HDGF: variants seen among roughly 807,000 people sequenced by gnomAD.
The protein encoded by HDGF is hepatoma-derived growth factor.
A neutral mutation model predicts 30.0 loss-of-function variants in HDGF; 5 were observed. That is an observed-to-expected ratio of 0.17 (90% confidence interval 0.09 to 0.35). The LOEUF (loss-of-function observed/expected upper bound fraction) is 0.35. Ranked by LOEUF, HDGF falls within the 10% of genes least tolerant of loss-of-function variation. The pLI is 1.00. For synonymous variants in HDGF, 133 were observed against 112.7 expected, an observed-to-expected ratio of 1.18 and a Z score of -1.14; for missense variants, 214 against 302.8, an observed-to-expected ratio of 0.71 and a Z score of 2.18.
chr1:156,766,450 G>A (rs1431660293), intron 1 of HDGF, among the ~76,000 whole-genome samples: 1 of 148,218 alleles, frequency 6.7e-6, no homozygotes, highest in African/African-American at 2.7e-5. Context: ...CTCAGTCACA[G>A]GCAGACAGGA....
chr1:156,743,541 G>A, intron 5 of HDGF, 86 bp from the exon 6 acceptor site: 3 of 1,570,838 alleles, frequency 1.9e-6, no homozygotes, highest in Non-Finnish European at 8.7e-7. Context: ...TCCTAGGAGA[G>A]CCCACCCTGC....
upstream of HDGF, chr1:156,752,259 G>T (rs1167774032): frequency 6.4e-7 from 1 of 1,551,692 alleles, no homozygotes; most frequent in Admixed American, 2.0e-5. Context: ...AAACGTCGGG[G>T]ATTTGAGCCC....
chr1:156,766,201 C>T (rs749266395), intron 1 of HDGF, among the ~76,000 whole-genome samples: 1 of 152,134 alleles, frequency 6.6e-6, no homozygotes, highest in Non-Finnish European at 1.5e-5. Flanking sequence ...ATATCAGGCT[C>T]GTCTGATAGA....
chr1:156,765,153 C>G (rs191059960), intron 1 of HDGF, among the ~76,000 whole-genome samples: 1 of 143,624 alleles, frequency 7.0e-6, no homozygotes, highest in Non-Finnish European at 1.5e-5. Context: ...AGTGCAATGG[C>G]GTGATCTTGG....
At chr1:156,744,459 C>A in intron 3 of HDGF, 111 bp from the exon 4 acceptor site, 1 of 1,582,982 alleles carries the variant, frequency 6.3e-7, no homozygotes, top group South Asian at 1.1e-5. Flanking sequence ...TCTCCCCCAC[C>A]CCCACCCAGG....
At position 156,742,704 on chromosome 1, in the gene HDGF, G is replaced by C. The variant is rs1650212801; in HGVS notation, c.*745C>G. On this transcript the variant is annotated 3_prime_UTR_variant, in exon 6 of 6. Transcript: ENST00000357325. ...GGCTTCAGAGATCTAAAGGGGGACA[G>C]ATGCTCAACACTCCCACCCAAATGG... The C allele has an allele frequency of 6.5e-6, 1 of 154,658 alleles. No homozygotes were observed. The highest frequency in any genetic ancestry group is 2.0e-4 in the South Asian group (1 of 4,918). The allele number at this position is 154,658 out of a possible 1,614,324, so 9.6% of individuals were successfully genotyped here.
chr1:156,745,843 G>T (rs907714213), intron 1 of HDGF, among the ~76,000 whole-genome samples: 3 of 152,188 alleles, frequency 2.0e-5, no homozygotes, highest in Non-Finnish European at 2.9e-5. Flanking sequence ...GCCCCCACTT[G>T]TATGACTTTG....
chr1:156,757,335 G>A (rs1028177697), upstream of HDGF, among the ~76,000 whole-genome samples: 7 of 151,738 alleles, frequency 4.6e-5, no homozygotes, highest in Non-Finnish European at 8.8e-5. Flanking sequence ...GCATGGAGGC[G>A]CATGCCTGTA....
chr1:156,765,082 C>T (rs946524857), intron 1 of HDGF, among the ~76,000 whole-genome samples: 9 of 150,676 alleles, frequency 6.0e-5, no homozygotes, highest in South Asian at 2.1e-4. Context: ...ACTTTATCCG[C>T]GCCCCCCCCG....
Position 156,751,273 on chromosome 1 carries a change from T to C in HDGF, c.87+70A>G. On this transcript the variant is annotated intron_variant, in intron 1 of 5. Transcript: ENST00000357325. The surrounding 1 kb of genome is among the most constrained non-coding windows in gnomAD (Gnocchi z 4.7). Reference sequence around the variant, plus strand: ...CCTCTGCCCGCTCCGCGCGGAGCGCTCGTGCCCTTCCCGGTGTTATGCAAC... The same window carrying C: ...CCTCTGCCCGCTCCGCGCGGAGCGCCCGTGCCCTTCCCGGTGTTATGCAAC... 6.5e-7 allele frequency: 1 copy of C among 1,547,958 alleles called. No homozygotes were observed. Among genetic ancestry groups the C allele is most frequent in the Admixed American group, 1.9e-5 (1 of 53,326 alleles).
At chr1:156,764,886 CAA>C (rs555336967) in intron 1 of HDGF, among the ~76,000 whole-genome samples, 40 of 118,150 alleles carry the variant, frequency 3.4e-4, no homozygotes, top group Admixed American at 4.4e-4. Context: ...ACTCTATCTC[CAA>C]AAAAAAAAAA....
At chr1:156,763,029 T>C (rs965866476) in intron 1 of HDGF, among the ~76,000 whole-genome samples, 1 of 152,212 alleles carries the variant, frequency 6.6e-6, no homozygotes, top group Non-Finnish European at 1.5e-5. Context: ...CAATTACCTA[T>C]GGTGCATCTC....
At chr1:156,763,022 T>C (rs1020069880) in intron 1 of HDGF, among the ~76,000 whole-genome samples, 2 of 152,204 alleles carry the variant, frequency 1.3e-5, no homozygotes, top group Non-Finnish European at 2.9e-5. Flanking sequence ...GCCCAGCCAA[T>C]TACCTATGGT....
chr1:156,756,337 T>G (rs190099734), upstream of HDGF, among the ~76,000 whole-genome samples: 5 of 152,316 alleles, frequency 3.3e-5, no homozygotes, highest in East Asian at 9.6e-4. Flanking sequence ...ATCACTGTAT[T>G]TATTGTTATA....
chr1:156,760,690 C>T (rs1009204753), intron 1 of HDGF, among the ~76,000 whole-genome samples: 6 of 152,118 alleles, frequency 3.9e-5, no homozygotes, highest in Non-Finnish European at 7.4e-5. Flanking sequence ...TAAAGAGGCT[C>T]ATCCATGAGT....
intron 3 of HDGF, 94 bp downstream of exon 3, chr1:156,744,914 T>C: frequency 2.8e-6 from 4 of 1,448,870 alleles, no homozygotes. Flanking sequence ...CCCTGGAGTT[T>C]CTGAAGACTA....
intron 1 of HDGF, among the ~76,000 whole-genome samples, chr1:156,761,346 C>T (rs745842772): frequency 7.9e-5 from 12 of 151,992 alleles, no homozygotes; most frequent in Non-Finnish European, 1.5e-4. Context: ...CAGTAGCTCA[C>T]GCCTGTAATC....
rs1398083194 is a variant in HDGF, at chr1:156,744,323, T to G, written c.329A>C (p.Glu110Ala). ...YQSSQKKSCV[E>A]EPEPEPEAAE... Reference sequence around the variant, plus strand: ...AGCTTCGGGCTCTGGTTCAGGCTCTTCCACACAGCTCTTTTTCTGGGAGGA... The same window carrying G: ...AGCTTCGGGCTCTGGTTCAGGCTCTGCCACACAGCTCTTTTTCTGGGAGGA... The change falls in exon 4 of 6, where the codon GAA becomes GCA. Residue 110 changes from glutamate to alanine, a missense_variant. This residue lies in a region of HDGF where 176 missense variants were observed against 211.7 expected (regional missense o/e 0.83). Coordinates refer to ENST00000357325, the MANE Select transcript of HDGF (RefSeq NM_004494.3). 6.2e-7 allele frequency: 1 copy of G among 1,614,126 alleles called. No homozygotes were observed. The highest frequency in any genetic ancestry group is 1.7e-5 in the Admixed American group (1 of 60,014).
At chr1:156,763,592 T>C (rs1016099229) in intron 1 of HDGF, among the ~76,000 whole-genome samples, 6 of 151,274 alleles carry the variant, frequency 4.0e-5, no homozygotes, top group Non-Finnish European at 7.4e-5. Flanking sequence ...AAATTTCTTT[T>C]TTTTTTTTTT....
Sources: gnomAD v4.1 joint callset for allele counts (sites outside exome capture counted in the v4.1 genomes callset) on GRCh38, gnomAD v4.1.1 for gene constraint, gnomAD v4.1.1 regional missense constraint, Gnocchi (gnomAD v3.1) non-coding constraint, MANE v1.5 for transcripts, NCBI Gene and HGNC (gene_info 2026-07-23, HGNC 2026-07-21) for gene names.